UGCG: variants seen among roughly 807,000 people sequenced by gnomAD.
UGCG encodes the protein UDP-glucose ceramide glucosyltransferase, also known as ceramide glucosyltransferase.
In UGCG, 10 loss-of-function variants were observed where a neutral mutation model predicts 49.5. The observed-to-expected ratio is 0.20, with a 90% CI of 0.12 to 0.34. The LOEUF is 0.34. UGCG is among the 10% of genes least tolerant of loss of function. The pLI, the probability that UGCG is intolerant of heterozygous loss-of-function variation, is 1.00. For synonymous variants in UGCG, 182 were observed against 158.2 expected, an observed-to-expected ratio of 1.15 and a Z score of -1.13; for missense variants, 312 against 483.7, an observed-to-expected ratio of 0.65 and a Z score of 3.33.
intron 1 of UGCG, among the ~76,000 whole-genome samples, chr9:111,911,113 C>T (rs1024336581): frequency 1.3e-5 from 2 of 152,020 alleles, no homozygotes; most frequent in African/African-American, 4.8e-5. Flanking sequence ...CCGCATCTTC[C>T]CTCTATGGAC....
Position 111,921,292 on chromosome 9 carries a change from A to G in UGCG, c.241-1557A>G, listed in dbSNP as rs527979999. ...ACCACTTCTGGGGAAAAAAATCACT[A>G]CTTAGAATACATATCCTACAAATAA... On this transcript the variant is annotated intron_variant, in intron 2 of 8. Transcript: ENST00000374279. Among the ~76,000 whole-genome samples the G allele has an allele frequency of 1.3e-4, 20 of 152,220 alleles. No homozygotes were observed. In the East Asian group the frequency reaches 3.7e-3, roughly 28 times the overall value.
intron 1 of UGCG, among the ~76,000 whole-genome samples, chr9:111,901,556 A>G (rs1262626012): frequency 6.6e-6 from 1 of 152,166 alleles, no homozygotes; most frequent in Non-Finnish European, 1.5e-5. Flanking sequence ...GAGGGAGAGC[A>G]TCAAGAAGAA....
intron 3 of UGCG, among the ~76,000 whole-genome samples, chr9:111,923,634 G>GT (rs760136779): frequency 2.4e-4 from 35 of 148,336 alleles, no homozygotes; most frequent in South Asian, 4.3e-4. Context: ...GGTTTTTTTG[G>GT]TTTTTTTTTT....
At chr9:111,920,690 G>A (rs531749808) in intron 2 of UGCG, among the ~76,000 whole-genome samples, 1 of 152,104 alleles carries the variant, frequency 6.6e-6, no homozygotes, top group Admixed American at 6.6e-5. Flanking sequence ...GGCAGTTTTT[G>A]CTGAGATTAT....
At chr9:111,916,287 A>T (rs2118545817) in intron 2 of UGCG, among the ~76,000 whole-genome samples, 1 of 152,314 alleles carries the variant, frequency 6.6e-6, no homozygotes, top group South Asian at 2.1e-4. Flanking sequence ...CATATGCATT[A>T]TCATTGTGAA....
chr9:111,932,998 C>A lies in UGCG; in HGVS notation c.*1C>A. On this transcript the variant is annotated 3_prime_UTR_variant, in exon 9 of 9. Transcript: ENST00000374279. ...AGCAGAGGAAATCCTAGATGTATAA[C>A]TACAGCTTTGTGACTGTATATAAAG... 6.4e-7 allele frequency: 1 copy of A among 1,568,904 alleles called. No individual in the cohort carries two copies. The highest frequency in any genetic ancestry group is 1.4e-5 in the African/African-American group (1 of 73,586).
intron 5 of UGCG, among the ~76,000 whole-genome samples, chr9:111,928,189 C>T (rs1362505411): frequency 6.6e-6 from 1 of 152,288 alleles, no homozygotes; most frequent in Non-Finnish European, 1.5e-5. Context: ...TGGCCTTTGG[C>T]AGTTTGAACC....
At chr9:111,930,536 C>T (rs916204823) in intron 6 of UGCG, among the ~76,000 whole-genome samples, 6 of 150,188 alleles carry the variant, frequency 4.0e-5, no homozygotes, top group South Asian at 2.1e-4. Context: ...GGCGCAATCT[C>T]GGCTCACTGC....
chr9:111,908,985 C>A (rs905746175), intron 1 of UGCG, among the ~76,000 whole-genome samples: 1 of 152,180 alleles, frequency 6.6e-6, no homozygotes, highest in South Asian at 2.1e-4. Context: ...GTGGTGCGAT[C>A]TCGGCTCACT....
intron 1 of UGCG, among the ~76,000 whole-genome samples, chr9:111,905,762 A>G (rs549414145): frequency 6.6e-6 from 1 of 152,234 alleles, no homozygotes; most frequent in Admixed American, 6.5e-5. Flanking sequence ...CCTCTCCTTC[A>G]TGCATTACTG....
chr9:111,931,988 C>T, intron 7 of UGCG, 182 bp from the exon 8 acceptor site: 1 of 643,438 alleles, frequency 1.6e-6, no homozygotes, highest in East Asian at 2.8e-5. Context: ...CCACTGCACT[C>T]CAGCCTGGGT....
intron 4 of UGCG, 99 bp from the exon 5 acceptor site, chr9:111,926,285 A>G (rs115513947): frequency 7.4e-6 from 5 of 671,764 alleles, no homozygotes; most frequent in African/African-American, 7.3e-5. Context: ...TTTATTAAGA[A>G]TGTAATAACA....
intron 2 of UGCG, among the ~76,000 whole-genome samples, chr9:111,919,711 C>T (rs55780345): frequency 0.077 from 11,485 of 149,536 alleles, 825 homozygotes; most frequent in African/African-American, 0.19. Flanking sequence ...AGGAGAATGG[C>T]GTGAACCCTG....
chr9:111,915,656 A>T, intron 2 of UGCG: 1 of 431,026 alleles, frequency 2.3e-6, no homozygotes, highest in Non-Finnish European at 3.1e-6. Flanking sequence ...CGTCCCTCTT[A>T]ATTTTTTTGG....
chr9:111,919,566 C>T (rs1476150269), intron 2 of UGCG, among the ~76,000 whole-genome samples: 1 of 151,938 alleles, frequency 6.6e-6, no homozygotes, highest in East Asian at 1.9e-4. Context: ...CCGAGGCAGG[C>T]AGATCACGAG....
At chr9:111,913,950 A>G (rs1838065793) in intron 1 of UGCG, among the ~76,000 whole-genome samples, 1 of 152,042 alleles carries the variant, frequency 6.6e-6, no homozygotes, top group Non-Finnish European at 1.5e-5. Flanking sequence ...TGACCTTATT[A>G]ATATTGGGAG....
At chr9:111,916,327 A>G (rs372494007) in intron 2 of UGCG, among the ~76,000 whole-genome samples, 5 of 152,174 alleles carry the variant, frequency 3.3e-5, no homozygotes, top group African/African-American at 1.2e-4. Flanking sequence ...TTTTTTAACC[A>G]TCCTCTTTCA....
chr9:111,918,739 G>GCCAA (rs1838155680), intron 2 of UGCG, among the ~76,000 whole-genome samples: 1 of 151,866 alleles, frequency 6.6e-6, no homozygotes, highest in African/African-American at 2.4e-5. Context: ...CGAGACCACG[G>GCCAA]TGAAACCCCG....
intron 6 of UGCG, 97 bp downstream of exon 6, chr9:111,929,775 T>G: frequency 7.1e-7 from 1 of 1,409,712 alleles, no homozygotes. Flanking sequence ...TTTAATTTAA[T>G]TTTATTTTTT....
Sources: gnomAD v4.1 joint callset for allele counts (sites outside exome capture counted in the v4.1 genomes callset) on GRCh38, gnomAD v4.1.1 for gene constraint, MANE v1.5 for transcripts, NCBI Gene and HGNC (gene_info 2026-07-23, HGNC 2026-07-21) for gene names.